The following NLGN1 variants were observed in gnomAD, a reference collection of about 807,000 sequenced individuals.
NLGN1 encodes neuroligin-1.
NLGN1 carries 12 observed loss-of-function variants against 65.5 expected under a neutral mutation model. The observed-to-expected ratio is 0.18, with a 90% confidence interval of 0.12 to 0.30. NLGN1 has a LOEUF of 0.30. NLGN1 is among the 10% of genes least tolerant of loss of function. NLGN1 has a pLI of 1.00. For synonymous variants in NLGN1, 350 were observed against 359.5 expected (o/e 0.97, Z 0.30); for missense variants, 750 against 1,007.1 (o/e 0.74, Z 3.46).
chr3:173,541,562 T>C (rs1029045488), intron 2 of NLGN1, among the ~76,000 whole-genome samples: 1 of 152,120 alleles, frequency 6.6e-6, no homozygotes, highest in African/African-American at 2.4e-5. Flanking sequence ...TATCAGTTGA[T>C]GAAATGAAGA....
chr3:173,512,543 G>A (rs9812990), intron 2 of NLGN1, among the ~76,000 whole-genome samples: 14,872 of 152,138 alleles, frequency 0.098, 1,297 homozygotes, highest in African/African-American at 0.24. Context: ...TGAGTCTGGG[G>A]TCTTATAGGC....
At chr3:174,292,133 G>C in the NLGN1 span, among the ~76,000 whole-genome samples, 1 of 151,170 alleles carries the variant, frequency 6.6e-6, no homozygotes, top group Non-Finnish European at 1.5e-5. Context: ...AGTAGAAGAG[G>C]TTAAGTAAAA....
intron 4 of NLGN1, among the ~76,000 whole-genome samples, chr3:173,952,777 CTTTT>C (rs201322891): frequency 1.4e-5 from 2 of 138,100 alleles, no homozygotes; most frequent in Non-Finnish European, 1.6e-5. Context: ...TAAAATTTAC[CTTTT>C]TTTTTTTTTT....
chr3:174,160,874 ATTCT>A (rs1726362955), intron 4 of NLGN1, among the ~76,000 whole-genome samples: 1 of 151,260 alleles, frequency 6.6e-6, no homozygotes, highest in Non-Finnish European at 1.5e-5. Flanking sequence ...GGTCTTATTC[ATTCT>A]TTCTAACTAT....
intron 4 of NLGN1, among the ~76,000 whole-genome samples, chr3:174,031,667 G>T (rs1429411867): frequency 6.6e-6 from 1 of 152,028 alleles, no homozygotes; most frequent in Non-Finnish European, 1.5e-5. Context: ...TTAATAGAAG[G>T]TTTAGAATAT....
At chr3:173,435,076 G>C (rs1359927778) in exon 2 of NLGN1, 2 of 152,624 alleles carry the variant, frequency 1.3e-5, no homozygotes, top group Non-Finnish European at 2.9e-5. Context: ...CACTGGAGTG[G>C]CAGTAAGTTC....
chr3:173,512,193 G>A (rs760698823), intron 2 of NLGN1, among the ~76,000 whole-genome samples: 9 of 152,222 alleles, frequency 5.9e-5, no homozygotes, highest in Non-Finnish European at 1.0e-4. Context: ...TTGTCTTGTA[G>A]CATGGGGCAG....
chr3:173,517,776 A>ATCTATCTG (rs1734061848), intron 2 of NLGN1, among the ~76,000 whole-genome samples: 2 of 151,830 alleles, frequency 1.3e-5, no homozygotes, highest in African/African-American at 4.8e-5. Context: ...CTATCTATCT[A>ATCTATCTG]TCTATCTATC....
intron 4 of NLGN1, among the ~76,000 whole-genome samples, chr3:174,152,766 A>T (rs941534275): frequency 2.2e-4 from 34 of 152,112 alleles, no homozygotes; most frequent in African/African-American, 7.7e-4. Context: ...GAGTCCTATA[A>T]TGTTATGTGG....
At position 173,819,276 on chromosome 3, in the gene NLGN1, C is replaced by T. The variant is rs552224561; in HGVS notation, c.646+11444C>T. Among the ~76,000 whole-genome samples, 183 of 152,242 alleles carry T rather than the reference C, an allele frequency of 1.2e-3. 1 individual carries two copies. The highest frequency in any genetic ancestry group is 4.4e-3 in the African/African-American group (181 of 41,544). On this transcript the variant is annotated intron_variant, in intron 4 of 6. Transcript: ENST00000457714. Reference sequence around the variant, plus strand: ...ACCCCTCATCCTCTAGACCTAAATTCATATGCCAATTGCATCCCACACCAC... The same window carrying T: ...ACCCCTCATCCTCTAGACCTAAATTTATATGCCAATTGCATCCCACACCAC...
At chr3:173,397,435 T>C (rs866702473), upstream of NLGN1, among the ~76,000 whole-genome samples, 24 of 151,934 alleles carry the variant, frequency 1.6e-4, no homozygotes, top group African/African-American at 5.5e-4. Flanking sequence ...TCTTCTTCTG[T>C]GCCGCTAACC....
chr3:173,833,029 G>A (rs1293696555), intron 4 of NLGN1, among the ~76,000 whole-genome samples: 2 of 120,156 alleles, frequency 1.7e-5, no homozygotes, highest in Non-Finnish European at 3.5e-5. Flanking sequence ...AAATATTTAG[G>A]CTATTACATA....
rs913711731 is a variant in NLGN1 at position 174,046,927 on chromosome 3, G to A, written c.647-228388G>A. On this transcript the variant is annotated intron_variant, in intron 4 of 6. Transcript: ENST00000457714. ...AGTATAGTTAAGAAAATTTATAAAA[G>A]GTTTGGAAGTATTAAAAATAAATCT... 2.0e-5 allele frequency among the ~76,000 whole-genome samples: 3 copies of A among 151,786 alleles called. 1 individual carries two copies. Among genetic ancestry groups the A allele is most frequent in the East Asian group, 3.9e-4 (2 of 5,170 alleles).
At chr3:173,411,085 T>C (rs993350991) in intron 1 of NLGN1, among the ~76,000 whole-genome samples, 2 of 152,238 alleles carry the variant, frequency 1.3e-5, no homozygotes, top group African/African-American at 4.8e-5. Flanking sequence ...ATTAACATTC[T>C]GGCTGGTGGT....
intron 4 of NLGN1, among the ~76,000 whole-genome samples, chr3:173,978,834 T>TAA (rs34496124): frequency 0.019 from 2,111 of 111,182 alleles, 35 homozygotes; most frequent in African/African-American, 0.043. Context: ...CTTCTCTAAT[T>TAA]AAAAAAAAAA....
chr3:173,654,674 A>G (rs1004224971), intron 3 of NLGN1, among the ~76,000 whole-genome samples: 5 of 152,190 alleles, frequency 3.3e-5, no homozygotes, highest in African/African-American at 1.2e-4. Flanking sequence ...TGCTAAGTCA[A>G]ATAATATGTT....
intron 3 of NLGN1, among the ~76,000 whole-genome samples, chr3:173,780,113 G>C (rs916417448): frequency 6.6e-6 from 1 of 152,070 alleles, no homozygotes; most frequent in Non-Finnish European, 1.5e-5. Context: ...TTTGTTCTTT[G>C]AAACGTCCAT....
chr3:173,410,013 G>GA (rs1481283368), intron 1 of NLGN1, among the ~76,000 whole-genome samples: 1 of 152,068 alleles, frequency 6.6e-6, no homozygotes. Context: ...AGATAAGGGG[G>GA]AAAACAACCA....
chr3:174,194,627 G>A (rs1424578106), intron 4 of NLGN1, among the ~76,000 whole-genome samples: 1 of 150,970 alleles, frequency 6.6e-6, no homozygotes, highest in African/African-American at 2.4e-5. Context: ...GATAAATATA[G>A]TTATCTCAAA....
Sources: allele counts gnomAD v4.1 joint callset (sites outside exome capture counted in the v4.1 genomes callset), GRCh38; gene constraint gnomAD v4.1.1; transcripts MANE v1.5; gene names NCBI Gene and HGNC (gene_info 2026-07-23, HGNC 2026-07-21).